The following KALRN variants were observed in gnomAD, a reference collection of about 807,000 sequenced individuals.
KALRN encodes kalirin RhoGEF kinase, also known as kalirin.
A neutral mutation model predicts 353.7 loss-of-function variants in KALRN; 70 were observed. The observed-to-expected ratio is 0.20, with a 90% CI of 0.16 to 0.24. The LOEUF (loss-of-function observed/expected upper bound fraction) is 0.24, where lower values mean the gene tolerates loss of function less well. Among genes scored for constraint, KALRN ranks in the 10% least tolerant of loss-of-function variants. KALRN has a pLI of 1.00. For synonymous variants in KALRN, 1,391 were observed against 1,434.8 expected (o/e 0.97, Z 0.69); for missense variants, 2,791 against 3,756.7 (o/e 0.74, Z 6.72).
At chr3:124,286,917 A>G (rs1162965863) in intron 5 of KALRN, among the ~76,000 whole-genome samples, 1 of 152,250 alleles carries the variant, frequency 6.6e-6, no homozygotes, top group Non-Finnish European at 1.5e-5. Flanking sequence ...TGTAGATGAT[A>G]CACTGTAGAG....
chr3:124,479,708 G>A (rs1247595677), intron 27 of KALRN, among the ~76,000 whole-genome samples: 3 of 145,060 alleles, frequency 2.1e-5, no homozygotes, highest in African/African-American at 7.6e-5. Flanking sequence ...ACATTCACAC[G>A]ATCCAGAATT....
At position 124,674,492 on chromosome 3, in the gene KALRN, C is replaced by G; in HGVS notation, c.7071C>G (p.Asn2357Lys). Residue 2357 changes from asparagine (N) to lysine (K), a missense_variant, in exon 49 of 60, where the codon AAC (asparagine) becomes AAG (lysine). Transcript: ENST00000682506. ...VVQVLAVNQQNMCLVYQPASD... is the reference protein window; with the variant it reads ...VVQVLAVNQQKMCLVYQPASD... ...AGGTCCTCGCCGTCAACCAGCAGAA[C>G]ATGTGTCTGGTGTACCAGCCTGCCA... 6.2e-7 allele frequency: 1 copy of G among 1,614,086 alleles called. No individual in the cohort carries two copies. The highest frequency in any genetic ancestry group is 2.2e-5 in the East Asian group (1 of 44,880).
chr3:124,402,977 C>T (rs762747003), intron 13 of KALRN, among the ~76,000 whole-genome samples: 8 of 152,134 alleles, frequency 5.3e-5, no homozygotes, highest in African/African-American at 1.2e-4. Context: ...CGTTAAACCA[C>T]GTGTCTTTTT....
chr3:124,423,901 A>G (rs534844193), intron 15 of KALRN, among the ~76,000 whole-genome samples: 1 of 152,348 alleles, frequency 6.6e-6, no homozygotes, highest in South Asian at 2.1e-4. Flanking sequence ...AAATACATAT[A>G]TTAAGAACAG....
chr3:124,503,528 T>C (rs2064856193), intron 33 of KALRN, among the ~76,000 whole-genome samples: 1 of 152,096 alleles, frequency 6.6e-6, no homozygotes, highest in Admixed American at 6.6e-5. Context: ...GTATAGTTCC[T>C]TTGTTACTTT....
chr3:124,352,990 G>A (rs557023517), intron 10 of KALRN, among the ~76,000 whole-genome samples: 2 of 151,956 alleles, frequency 1.3e-5, no homozygotes, highest in Non-Finnish European at 2.9e-5. Context: ...TTGTGCACAC[G>A]TACCCCAGAA....
At chr3:124,364,422 G>T (rs769237243) in intron 10 of KALRN, among the ~76,000 whole-genome samples, 2 of 152,216 alleles carry the variant, frequency 1.3e-5, no homozygotes, top group Non-Finnish European at 2.9e-5. Context: ...AGAGCTTTAT[G>T]TGGGGAGACT....
At chr3:124,068,436 C>G (rs555293823) in intron 1 of KALRN, among the ~76,000 whole-genome samples, 1 of 152,346 alleles carries the variant, frequency 6.6e-6, no homozygotes, top group South Asian at 2.1e-4. Context: ...ATGACAGTCC[C>G]ACATCCATCT....
At chr3:124,382,853 G>A (rs772430656) in intron 10 of KALRN, among the ~76,000 whole-genome samples, 6 of 152,094 alleles carry the variant, frequency 3.9e-5, no homozygotes, top group African/African-American at 7.2e-5. Flanking sequence ...ACCTACAGCC[G>A]TAGAGGTCTA....
At chr3:124,587,760 T>C (rs13066572) in intron 34 of KALRN, among the ~76,000 whole-genome samples, 41,515 of 140,366 alleles carry the variant, frequency 0.3, 6,749 homozygotes, top group Middle Eastern at 0.4. Context: ...GGCTGGAGTG[T>C]AGTGGTTTGA....
At chr3:124,183,589 A>C (rs906172753) in intron 1 of KALRN, among the ~76,000 whole-genome samples, 3 of 152,148 alleles carry the variant, frequency 2.0e-5, no homozygotes, top group Admixed American at 2.0e-4. Context: ...TATATCAGAC[A>C]CCATGGGACA....
At position 124,446,223 on chromosome 3, in the gene KALRN, C is replaced by T. The variant is rs1245112892; in HGVS notation, c.3376C>T (p.Arg1126Trp). Residue 1126 changes from arginine (R) to tryptophan (W), a missense_variant, in exon 20 of 60, where the codon CGG becomes TGG. Transcript: ENST00000682506. Reference protein sequence around the residue: ...RVLHFWTLKKRRLDQCQQYVV... With the variant: ...RVLHFWTLKKWRLDQCQQYVV... ...GCTGCATTTCTGGACCTTGAAGAAG[C>T]GGCGGTTAGACCAATGCCAGCAATA... 5 of 1,614,096 alleles carry T rather than the reference C, an allele frequency of 3.1e-6. No individual in the cohort carries two copies. The highest frequency in any genetic ancestry group is 2.2e-5 in the South Asian group (2 of 91,076).
chr3:124,293,937 C>A (rs1467139921), intron 5 of KALRN, among the ~76,000 whole-genome samples: 1 of 152,106 alleles, frequency 6.6e-6, no homozygotes, highest in Non-Finnish European at 1.5e-5. Flanking sequence ...AGTATTCATT[C>A]ATTCATTCAT....
At chr3:124,645,626 TTC>T (rs71145472) in intron 37 of KALRN, among the ~76,000 whole-genome samples, 17,460 of 133,098 alleles carry the variant, frequency 0.13, 1,275 homozygotes, top group African/African-American at 0.23. Context: ...TGAATAATAT[TTC>T]TCTCTCTCTC....
At chr3:124,599,994 T>C (rs923179435) in intron 34 of KALRN, among the ~76,000 whole-genome samples, 1 of 152,188 alleles carries the variant, frequency 6.6e-6, no homozygotes, top group Non-Finnish European at 1.5e-5. Context: ...CTATGACCCT[T>C]CTACCAGCAT....
chr3:124,609,504 T>C (rs931460435), intron 34 of KALRN, among the ~76,000 whole-genome samples: 2 of 152,226 alleles, frequency 1.3e-5, no homozygotes, highest in Admixed American at 6.5e-5. Flanking sequence ...AGGATCCTTC[T>C]GCATCTGTGA....
rs547830059 is a variant in KALRN, at chr3:124,662,998, G to T, written c.6345+1070G>T. Among the ~76,000 whole-genome samples, 96 of 151,598 alleles carry T rather than the reference G, an allele frequency of 6.3e-4. 1 individual carries two copies. The highest frequency in any genetic ancestry group is 7.2e-4 in the Admixed American group (11 of 15,242). On this transcript the variant is annotated intron_variant, in intron 45 of 59. Coordinates refer to ENST00000682506, the MANE Select transcript of KALRN (RefSeq NM_001388419.1). ...TTTTAAACAGAGTTTTGCTCTTGTT[G>T]CCCAGGCTGGAGTGCAGTGGCAACA... is the stretch of plus-strand genomic sequence containing the variant.
In KALRN at chr3:124,719,237, G is replaced by A. The variant is rs146977122; in HGVS notation, c.8728G>A (p.Ala2910Thr). 2.0e-5 allele frequency: 32 copies of A among 1,614,106 alleles called. No homozygotes were observed. In the Middle Eastern group the frequency reaches 4.9e-4, roughly 25 times the overall value. ...TGAATACTTCTGTGGTGTGAGCAAT[G>A]CTGCCAGAGATTTCATCAATGTGAT... ...PHEYFCGVSNAARDFINVILQ... is the reference protein window; with the variant it reads ...PHEYFCGVSNTARDFINVILQ... Residue 2910 changes from alanine (A) to threonine (T), a missense_variant, in exon 60 of 60, where the codon GCT (alanine) becomes ACT (threonine). Ala to Thr is a moderately conservative substitution (Grantham distance 58). This residue lies in a region of KALRN where 188 missense variants were observed against 402.9 expected (regional missense o/e 0.47). Transcript: ENST00000682506. The surrounding 1 kb of genome is among the most constrained non-coding windows in gnomAD (Gnocchi z 5.3).
At chr3:124,114,407 T>C (rs1269138018) in intron 1 of KALRN, among the ~76,000 whole-genome samples, 1 of 152,166 alleles carries the variant, frequency 6.6e-6, no homozygotes, top group Non-Finnish European at 1.5e-5. Context: ...TCTGCTGTTT[T>C]CATGAGGGCT....
Sources: allele counts gnomAD v4.1 joint callset (sites outside exome capture counted in the v4.1 genomes callset), GRCh38; gene constraint gnomAD v4.1.1; regional missense constraint gnomAD v4.1.1; non-coding constraint Gnocchi (gnomAD v3.1); transcripts MANE v1.5; gene names NCBI Gene and HGNC (gene_info 2026-07-23, HGNC 2026-07-21).